Variants in CAMK4 observed in about 807,000 individuals in gnomAD.
CAMK4 encodes calcium/calmodulin-dependent protein kinase type IV.
In CAMK4, 22 loss-of-function variants were observed where a neutral mutation model predicts 44.9. That is an observed-to-expected ratio of 0.49 (90% CI 0.35 to 0.70). The LOEUF (loss-of-function observed/expected upper bound fraction) is 0.70, where lower values mean the gene tolerates loss of function less well. Ranked by LOEUF, CAMK4 falls within the 30% of genes least tolerant of loss-of-function variation. The pLI, the probability that CAMK4 is intolerant of heterozygous loss-of-function variation, is 0.01. For missense variants in CAMK4, 498 were observed against 586.8 expected, an observed-to-expected ratio of 0.85 and a Z score of 1.56; for synonymous variants, 218 against 215.4, an observed-to-expected ratio of 1.01 and a Z score of -0.11.
At chr5:111,424,807 A>C (rs1753165095) in intron 5 of CAMK4, among the ~76,000 whole-genome samples, 1 of 151,570 alleles carries the variant, frequency 6.6e-6, no homozygotes, top group South Asian at 2.1e-4. Context: ...CACAGGCACA[A>C]CTCTTCCAGG....
chr5:111,362,044 TTGATTTGAAAAG>T, intron 2 of CAMK4, among the ~76,000 whole-genome samples: 1 of 152,216 alleles, frequency 6.6e-6, no homozygotes, highest in Middle Eastern at 3.4e-3. Context: ...AATGCTCACT[TTGATTTGAAAAG>T]TCATTCTAGG....
At chr5:111,372,564 G>T (rs1751050134) in intron 2 of CAMK4, among the ~76,000 whole-genome samples, 1 of 152,078 alleles carries the variant, frequency 6.6e-6, no homozygotes, top group South Asian at 2.1e-4. Flanking sequence ...GATTATCTGA[G>T]TCTCAACCTC....
At chr5:111,410,362 C>T (rs1209575956) in intron 5 of CAMK4, among the ~76,000 whole-genome samples, 12 of 152,132 alleles carry the variant, frequency 7.9e-5, no homozygotes, top group Admixed American at 1.3e-4. Flanking sequence ...TTCGCTACCA[C>T]GAGAACAGTA....
At chr5:111,362,009 A>C (rs536505988) in intron 2 of CAMK4, among the ~76,000 whole-genome samples, 1 of 152,090 alleles carries the variant, frequency 6.6e-6, no homozygotes, top group Non-Finnish European at 1.5e-5. Context: ...GTTAAGAATT[A>C]AAAAATTGGA....
chr5:111,459,219 A>G (rs1364553982), intron 7 of CAMK4, among the ~76,000 whole-genome samples: 1 of 152,218 alleles, frequency 6.6e-6, no homozygotes, highest in East Asian at 1.9e-4. Flanking sequence ...AGGAACATTT[A>G]TTATTTACAG....
intron 1 of CAMK4, among the ~76,000 whole-genome samples, chr5:111,260,395 C>G (rs911642652): frequency 6.6e-6 from 1 of 152,190 alleles, no homozygotes; most frequent in African/African-American, 2.4e-5. Context: ...GTAAAATCTC[C>G]TGCATACCTC....
intron 3 of CAMK4, among the ~76,000 whole-genome samples, chr5:111,375,117 A>C (rs1751165987): frequency 6.6e-6 from 1 of 152,176 alleles, no homozygotes; most frequent in Admixed American, 6.6e-5. Context: ...AAGTTCCAAA[A>C]TAGACAAATT....
intron 2 of CAMK4, among the ~76,000 whole-genome samples, chr5:111,355,863 T>C (rs62375655): frequency 0.35 from 45,846 of 132,124 alleles, 7,349 homozygotes; most frequent in Non-Finnish European, 0.4. Flanking sequence ...TAGTATTCCA[T>C]GGTGTATATG....
chr5:111,427,023 G>A (rs961687145), intron 5 of CAMK4, among the ~76,000 whole-genome samples: 2 of 152,122 alleles, frequency 1.3e-5, no homozygotes, highest in Non-Finnish European at 2.9e-5. Context: ...GACCAGCTGA[G>A]GCAGCCAAAG....
intron 1 of CAMK4, among the ~76,000 whole-genome samples, chr5:111,312,543 C>A (rs1748251875): frequency 6.6e-6 from 1 of 152,054 alleles, no homozygotes. Flanking sequence ...TTTTAGGATT[C>A]CAGCAGACTC....
At chr5:111,412,899 T>C (rs1752679593) in intron 5 of CAMK4, among the ~76,000 whole-genome samples, 1 of 152,170 alleles carries the variant, frequency 6.6e-6, no homozygotes. Context: ...CCTTAATTTA[T>C]ATGTAATTAA....
rs1037559864 is a variant in CAMK4, at chr5:111,490,704, C to T, written c.*6238C>T. ...CTACAATACAGTTAATATGCAGCAG[C>T]GTAGAGAACAAATAGCATATTCATA... On this transcript the variant is annotated 3_prime_UTR_variant, in exon 11 of 11. Coordinates refer to ENST00000282356, the MANE Select transcript of CAMK4 (RefSeq NM_001744.6). 7 of 152,132 alleles carry T rather than the reference C, an allele frequency of 4.6e-5. No homozygotes were observed. The highest frequency in any genetic ancestry group is 1.0e-4 in the Non-Finnish European group (7 of 68,024). The allele number at this position is 152,132 out of a possible 1,614,324, so 9.4% of individuals were successfully genotyped here.
chr5:111,276,740 C>CT (rs1472153849), intron 1 of CAMK4, among the ~76,000 whole-genome samples: 1 of 152,108 alleles, frequency 6.6e-6, no homozygotes, highest in Non-Finnish European at 1.5e-5. Flanking sequence ...AATTCTTACT[C>CT]TGTCATTTTG....
At chr5:111,310,719 G>A (rs1192772057) in intron 1 of CAMK4, among the ~76,000 whole-genome samples, 1 of 152,140 alleles carries the variant, frequency 6.6e-6, no homozygotes, top group Non-Finnish European at 1.5e-5. Flanking sequence ...TGTTCTGAGC[G>A]ATTCCCTTAA....
chr5:111,426,238 G>A (rs1371606837), intron 5 of CAMK4, among the ~76,000 whole-genome samples: 1 of 152,154 alleles, frequency 6.6e-6, no homozygotes, highest in East Asian at 1.9e-4. Context: ...ATGTTTGTGG[G>A]CAAATGAAAA....
At chr5:111,441,271 T>C (rs932438393) in intron 5 of CAMK4, among the ~76,000 whole-genome samples, 1 of 152,158 alleles carries the variant, frequency 6.6e-6, no homozygotes, top group Admixed American at 6.5e-5. Context: ...TTATAATATA[T>C]ATTAAAAATA....
intron 1 of CAMK4, among the ~76,000 whole-genome samples, chr5:111,310,007 G>A (rs1194078656): frequency 3.3e-5 from 5 of 152,250 alleles, no homozygotes; most frequent in Non-Finnish European, 5.9e-5. Flanking sequence ...CAGGGTTCAG[G>A]CTTCTATGTC....
At chr5:111,449,232 T>C in intron 7 of CAMK4, 29 bp downstream of exon 7, 2 of 971,944 alleles carry the variant, frequency 2.1e-6, no homozygotes. Context: ...ATATTTTACT[T>C]TTATTGTTAT....
chr5:111,262,721 G>A (rs1750041849), intron 1 of CAMK4, among the ~76,000 whole-genome samples: 2 of 152,082 alleles, frequency 1.3e-5, no homozygotes, highest in South Asian at 4.2e-4. Flanking sequence ...TAGGGCAGTT[G>A]TTATTATTAA....
Sources: allele counts gnomAD v4.1 joint callset (sites outside exome capture counted in the v4.1 genomes callset), GRCh38; gene constraint gnomAD v4.1.1; transcripts MANE v1.5; gene names NCBI Gene and HGNC (gene_info 2026-07-23, HGNC 2026-07-21).